The following RARB variants were observed in gnomAD, a reference collection of about 807,000 sequenced individuals.
RARB encodes the protein retinoic acid receptor beta, also known as HBV-activated protein.
Under a neutral mutation model 51.9 loss-of-function variants are expected in RARB, and 17 were observed. The observed-to-expected ratio is 0.33, with a 90% CI of 0.22 to 0.49. The LOEUF (loss-of-function observed/expected upper bound fraction) is 0.49. Ranked by LOEUF, RARB falls within the 20% of genes least tolerant of loss-of-function variation. The probability of loss-of-function intolerance (pLI) is 0.99; values close to 1 mark genes in which losing one functional copy is unlikely to be tolerated. For missense variants in RARB, 369 were observed against 550.8 expected (o/e 0.67, Z 3.30); for synonymous variants, 215 against 195.4 (o/e 1.10, Z -0.84).
At chr3:25,072,106 G>A (rs770619951) in intron 3 of RARB, among the ~76,000 whole-genome samples, 3 of 152,212 alleles carry the variant, frequency 2.0e-5, no homozygotes, top group Admixed American at 6.5e-5. Flanking sequence ...AGAAGGCTGC[G>A]TGATGATAGT....
At chr3:25,541,834 C>T (rs1288931907) in intron 3 of RARB, among the ~76,000 whole-genome samples, 2 of 152,218 alleles carry the variant, frequency 1.3e-5, no homozygotes, top group Non-Finnish European at 2.9e-5. Context: ...CCGGCCCCTT[C>T]CTCCACAGAC....
chr3:25,451,102 A>G (rs1235034370), intron 1 of RARB, among the ~76,000 whole-genome samples: 1 of 152,192 alleles, frequency 6.6e-6, no homozygotes, highest in Non-Finnish European at 1.5e-5. Context: ...CATCTCAGAA[A>G]AAAAACAAAA....
chr3:24,888,024 A>G (rs1316872397), intron 2 of RARB, among the ~76,000 whole-genome samples: 2 of 152,102 alleles, frequency 1.3e-5, no homozygotes, highest in Admixed American at 6.6e-5. Context: ...CATATGTTGG[A>G]TACTGTTATT....
At chr3:25,069,001 A>G (rs936229206) in intron 3 of RARB, among the ~76,000 whole-genome samples, 1 of 150,510 alleles carries the variant, frequency 6.6e-6, no homozygotes, top group African/African-American at 2.5e-5. Context: ...CAGGGAGACT[A>G]AATCTTCCTC....
chr3:25,009,262 G>C (rs542739140), intron 2 of RARB, among the ~76,000 whole-genome samples: 1 of 152,274 alleles, frequency 6.6e-6, no homozygotes, highest in East Asian at 1.9e-4. Context: ...ATGGCTGACA[G>C]AAGATACATA....
At chr3:24,977,153 G>T (rs186473016) in intron 2 of RARB, among the ~76,000 whole-genome samples, 1 of 152,032 alleles carries the variant, frequency 6.6e-6, no homozygotes, top group South Asian at 2.1e-4. Context: ...ATGCTGTTTC[G>T]GTTACTGTAG....
intron 5 of RARB, among the ~76,000 whole-genome samples, chr3:25,342,114 A>G (rs1705246783): frequency 6.6e-6 from 1 of 152,190 alleles, no homozygotes; most frequent in African/African-American, 2.4e-5. Context: ...AATAACTAAT[A>G]TGGAAAAATA....
At chr3:25,327,406 A>G (rs1162422819) in intron 5 of RARB, among the ~76,000 whole-genome samples, 3 of 152,180 alleles carry the variant, frequency 2.0e-5, no homozygotes, top group Non-Finnish European at 4.4e-5. Context: ...AATCAAAGCA[A>G]TTGGAATCAG....
intron 4 of RARB, among the ~76,000 whole-genome samples, chr3:25,141,478 G>C (rs1274357820): frequency 6.6e-6 from 1 of 152,132 alleles, no homozygotes; most frequent in African/African-American, 2.4e-5. Flanking sequence ...ATTTCAGAGG[G>C]TCTTAGGAGA....
intron 5 of RARB, among the ~76,000 whole-genome samples, chr3:25,365,413 A>C (rs1026995057): frequency 6.6e-6 from 1 of 151,704 alleles, no homozygotes; most frequent in South Asian, 2.1e-4. Context: ...TGCCTGTCTC[A>C]TCCATGCTTT....
At chr3:25,340,332 A>G (rs996113321) in intron 5 of RARB, among the ~76,000 whole-genome samples, 1 of 152,250 alleles carries the variant, frequency 6.6e-6, no homozygotes, top group Middle Eastern at 3.4e-3. Context: ...CCTCCATGGA[A>G]TGTAAGTTCA....
intron 5 of RARB, among the ~76,000 whole-genome samples, chr3:25,175,225 T>A (rs1012637615): frequency 6.6e-6 from 1 of 152,192 alleles, no homozygotes; most frequent in Non-Finnish European, 1.5e-5. Flanking sequence ...AACATCTATA[T>A]TGTGCAATTT....
chr3:24,913,805 T>A (rs79477275), intron 2 of RARB, among the ~76,000 whole-genome samples: 3 of 152,226 alleles, frequency 2.0e-5, no homozygotes, highest in African/African-American at 7.2e-5. Flanking sequence ...TCAATAATTA[T>A]GAATTTGTAA....
At chr3:25,363,552 G>A (rs1293986633) in intron 5 of RARB, among the ~76,000 whole-genome samples, 1 of 152,034 alleles carries the variant, frequency 6.6e-6, no homozygotes, top group African/African-American at 2.4e-5. Flanking sequence ...TCTGATCTAA[G>A]AGGAAATTCT....
chr3:24,957,036 T>G (rs151159199), intron 2 of RARB, among the ~76,000 whole-genome samples: 217 of 152,310 alleles, frequency 1.4e-3, no homozygotes, highest in African/African-American at 5.0e-3. Context: ...CAATCAACTA[T>G]TAGATGCTGG....
intron 4 of RARB, among the ~76,000 whole-genome samples, chr3:25,152,522 A>G (rs1261273912): frequency 6.6e-6 from 1 of 152,216 alleles, no homozygotes; most frequent in East Asian, 1.9e-4. Flanking sequence ...ATTTGATATA[A>G]TTAAACACTG....
At chr3:25,429,782 CA>C (rs1708130176) in intron 1 of RARB, among the ~76,000 whole-genome samples, 1 of 152,356 alleles carries the variant, frequency 6.6e-6, no homozygotes, top group South Asian at 2.1e-4. Context: ...CAGAAAATCC[CA>C]CCTTCGGGTG....
intron 4 of RARB, among the ~76,000 whole-genome samples, chr3:25,135,015 A>G (rs549638036): frequency 1.3e-5 from 2 of 151,876 alleles, no homozygotes; most frequent in Non-Finnish European, 2.9e-5. Flanking sequence ...AAAAGGAATA[A>G]TAAAGGTCCT....
intron 2 of RARB, among the ~76,000 whole-genome samples, chr3:25,031,709 T>G (rs147104783): frequency 1.3e-5 from 2 of 152,198 alleles, no homozygotes; most frequent in African/African-American, 2.4e-5. Flanking sequence ...GAGTTGCATG[T>G]TTCTATTAGC....
Sources: allele counts gnomAD v4.1 joint callset (sites outside exome capture counted in the v4.1 genomes callset), GRCh38; gene constraint gnomAD v4.1.1; transcripts MANE v1.5; gene names NCBI Gene and HGNC (gene_info 2026-07-23, HGNC 2026-07-21).